FER1L6: variants seen among roughly 807,000 people sequenced by gnomAD.
FER1L6 encodes fer-1 like family member 6.
In FER1L6, 177 loss-of-function variants were observed where a neutral mutation model predicts 219.2. The ratio of observed to expected loss-of-function variants is 0.81; its 90% CI spans 0.71 to 0.91. The LOEUF (loss-of-function observed/expected upper bound fraction) is 0.91, where lower values mean the gene tolerates loss of function less well. Ranked by LOEUF, FER1L6 falls within the 40% of genes least tolerant of loss-of-function variation. The probability of loss-of-function intolerance (pLI) is 0.00; values close to 1 mark genes in which losing one functional copy is unlikely to be tolerated. For synonymous variants in FER1L6, 768 were observed against 824.3 expected, an observed-to-expected ratio of 0.93 and a Z score of 1.17; for missense variants, 2,153 against 2,259.9, an observed-to-expected ratio of 0.95 and a Z score of 0.96.
intron 1 of FER1L6, among the ~76,000 whole-genome samples, chr8:123,936,936 G>A (rs554840602): frequency 2.6e-5 from 4 of 151,988 alleles, no homozygotes; most frequent in Non-Finnish European, 4.4e-5. Flanking sequence ...GTGGAGTGTC[G>A]CATTTGTTGC....
chr8:123,855,856 C>A (rs1391752430), intron 1 of FER1L6, among the ~76,000 whole-genome samples: 1 of 146,094 alleles, frequency 6.8e-6, no homozygotes, highest in African/African-American at 2.5e-5. Flanking sequence ...CCCCATATGA[C>A]CCTAATATAT....
intron 1 of FER1L6, among the ~76,000 whole-genome samples, chr8:123,878,850 T>G (rs1817057591): frequency 6.6e-6 from 1 of 152,208 alleles, no homozygotes; most frequent in Admixed American, 6.5e-5. Flanking sequence ...ATAAAAAATG[T>G]TTTCACTTTT....
At chr8:123,959,024 T>A (rs1815152242) in intron 2 of FER1L6, among the ~76,000 whole-genome samples, 1 of 152,078 alleles carries the variant, frequency 6.6e-6, no homozygotes, top group Admixed American at 6.5e-5. Flanking sequence ...AGATTGTGTA[T>A]GGACTTCAGA....
At chr8:124,021,514 C>T in intron 16 of FER1L6, 36 bp from the exon 17 acceptor site, 1 of 1,610,180 alleles carries the variant, frequency 6.2e-7, no homozygotes. Context: ...GTCCAGATCT[C>T]TCGAAAGACC....
chr8:124,061,834 C>T lies in FER1L6; in HGVS notation c.3148-18C>T. ...AAGGGTCACCAGGCCCCTTCTTCAT[C>T]TCATCCTCTCTCTGCAGGAACTGCC... On this transcript the variant is annotated intron_variant, in intron 24 of 40. Transcript: ENST00000522917. 1 of 1,612,388 alleles carries T rather than the reference C, an allele frequency of 6.2e-7. No individual in the cohort carries two copies. The highest frequency in any genetic ancestry group is 8.5e-7 in the Non-Finnish European group (1 of 1,179,740).
At chr8:124,114,677 T>C (rs1260074388) in intron 39 of FER1L6, among the ~76,000 whole-genome samples, 1 of 151,902 alleles carries the variant, frequency 6.6e-6, no homozygotes, top group Admixed American at 6.6e-5. Flanking sequence ...TTCCTTAACT[T>C]AGCTATCCAG....
At chr8:123,952,278 A>G (rs1356222892) in intron 1 of FER1L6, among the ~76,000 whole-genome samples, 1 of 152,056 alleles carries the variant, frequency 6.6e-6, no homozygotes, top group Non-Finnish European at 1.5e-5. Context: ...TGAGACCCAC[A>G]CTCAAGCAGT....
At chr8:123,865,167 T>C (rs1816810953) in intron 1 of FER1L6, among the ~76,000 whole-genome samples, 1 of 149,136 alleles carries the variant, frequency 6.7e-6, no homozygotes, top group South Asian at 2.1e-4. Flanking sequence ...TCGGTGTGGA[T>C]GTCCTTTCTG....
At chr8:123,905,012 T>A (rs761480225) in intron 1 of FER1L6, among the ~76,000 whole-genome samples, 1 of 152,212 alleles carries the variant, frequency 6.6e-6, no homozygotes, top group Non-Finnish European at 1.5e-5. Context: ...AGCACACCCC[T>A]GAAGACATAG....
rs753334632 is a variant in FER1L6 at position 124,066,393 on chromosome 8, T to C, written c.3556-35T>C. ...ACCATCAGCATGCAGCCAAATGAGG[T>C]TGAACTAATAACCCATTCCCTCATC... is the stretch of plus-strand genomic sequence containing the variant. On this transcript the variant is annotated intron_variant, in intron 26 of 40. Coordinates refer to ENST00000522917, the MANE Select transcript of FER1L6 (RefSeq NM_001039112.2). 3.1e-6 allele frequency: 5 copies of C among 1,603,316 alleles called. No homozygotes were observed. The African/African-American group carries it at 6.7e-5, about 22-fold the overall frequency.
At chr8:123,924,233 C>CAAAAAA (rs71289625) in intron 1 of FER1L6, among the ~76,000 whole-genome samples, 4 of 66,938 alleles carry the variant, frequency 6.0e-5, no homozygotes, top group Admixed American at 2.0e-4. Context: ...GACTCAGTAT[C>CAAAAAA]AAAAAAAAAA....
At chr8:124,073,543 A>G (rs1821162548) in intron 31 of FER1L6, among the ~76,000 whole-genome samples, 1 of 152,236 alleles carries the variant, frequency 6.6e-6, no homozygotes, top group Non-Finnish European at 1.5e-5. Flanking sequence ...AAACTCGCAT[A>G]AAGAAATAAA....
chr8:124,109,412 C>T (rs898647739), intron 39 of FER1L6, among the ~76,000 whole-genome samples: 5 of 152,194 alleles, frequency 3.3e-5, no homozygotes, highest in African/African-American at 1.2e-4. Flanking sequence ...TTGAACATGT[C>T]TAGTCCCTAG....
At chr8:123,933,184 C>G (rs1813844446) in intron 1 of FER1L6, among the ~76,000 whole-genome samples, 1 of 152,212 alleles carries the variant, frequency 6.6e-6, no homozygotes, top group Non-Finnish European at 1.5e-5. Context: ...AAGCTCATCA[C>G]TAAAGGATGT....
chr8:123,924,869 C>T (rs1813505964), intron 1 of FER1L6: 1 of 152,208 alleles, frequency 6.6e-6, no homozygotes, highest in South Asian at 2.1e-4. Context: ...CCTGTTCTCT[C>T]ATGGTCACTG....
intron 1 of FER1L6, among the ~76,000 whole-genome samples, chr8:123,954,543 A>T (rs1814926235): frequency 6.6e-6 from 1 of 152,208 alleles, no homozygotes; most frequent in African/African-American, 2.4e-5. Context: ...ACTGGTCTTA[A>T]TCCTACCCTT....
intron 20 of FER1L6, among the ~76,000 whole-genome samples, chr8:124,041,630 T>C (rs1819503241): frequency 6.6e-6 from 1 of 152,180 alleles, no homozygotes; most frequent in Admixed American, 6.5e-5. Context: ...GGTGCAGGGC[T>C]GTACAGAGTC....
rs1449819975 is a variant in FER1L6 at position 123,851,997 on chromosome 8, GC to G, written c.-194del. On this transcript the variant is annotated 5_prime_UTR_variant, in exon 1 of 41. Transcript: ENST00000522917. ...GTACTGTCACCTAGTTGGTGAGGTT[GC>G]CTGTAACTGACTTCAAAAGGCCATT... 6.6e-6 allele frequency: 1 copy of G among 152,174 alleles called. No individual in the cohort carries two copies. Among genetic ancestry groups the G allele is most frequent in the Non-Finnish European group, 1.5e-5 (1 of 68,040 alleles). The allele number at this position is 152,174 out of a possible 1,614,324, so 9.4% of individuals were successfully genotyped here.
chr8:123,938,085 C>T (rs1185402443), intron 1 of FER1L6, among the ~76,000 whole-genome samples: 1 of 152,200 alleles, frequency 6.6e-6, no homozygotes, highest in African/African-American at 2.4e-5. Flanking sequence ...GTTCCTCCAT[C>T]CTATCATACC....
Sources: gnomAD v4.1 joint callset for allele counts (sites outside exome capture counted in the v4.1 genomes callset) on GRCh38, gnomAD v4.1.1 for gene constraint, MANE v1.5 for transcripts, NCBI Gene and HGNC (gene_info 2026-07-23, HGNC 2026-07-21) for gene names.